Variants in CSMD1 observed in about 807,000 individuals in gnomAD.
CSMD1 encodes the protein CUB and Sushi multiple domains 1, also known as CUB and sushi domain-containing protein 1.
In CSMD1, 213 loss-of-function variants were observed where a neutral mutation model predicts 417.5. That is an observed-to-expected ratio of 0.51 (90% CI 0.46 to 0.57). The LOEUF (loss-of-function observed/expected upper bound fraction) is 0.57. CSMD1 is among the 20% of genes least tolerant of loss of function. The pLI, the probability that CSMD1 is intolerant of heterozygous loss-of-function variation, is 0.00. For synonymous variants in CSMD1, 2,862 were observed against 1,736.8 expected (o/e 1.65, Z -16.11); for missense variants, 6,923 against 4,529.7 (o/e 1.53, Z -15.17).
At chr8:4,064,306 C>T (rs575654154) in intron 3 of CSMD1, among the ~76,000 whole-genome samples, 2 of 152,310 alleles carry the variant, frequency 1.3e-5, no homozygotes, top group South Asian at 4.1e-4. Flanking sequence ...TGCAATGTTC[C>T]TGGGCTCCAT....
In CSMD1 at chr8:3,422,441, T is replaced by A. The variant is rs566453749; in HGVS notation, c.1562-12836A>T. On this transcript the variant is annotated intron_variant, in intron 12 of 69. Transcript: ENST00000635120. Reference sequence around the variant, plus strand: ...TTTCCCAAAATGCCTATTGAAAGAATCTTTCAAAAATATCATGTGCATTTC... The same window carrying A: ...TTTCCCAAAATGCCTATTGAAAGAAACTTTCAAAAATATCATGTGCATTTC... Among the ~76,000 whole-genome samples the A allele has an allele frequency of 4.6e-5, 7 of 152,296 alleles. No homozygotes were observed. The South Asian group carries it at 1.4e-3, about 32-fold the overall frequency.
In CSMD1 at chr8:3,149,860, T is replaced by C. The variant is rs80305952; in HGVS notation, c.6031+1537A>G. Among the ~76,000 whole-genome samples, 6 of 152,324 alleles carry C rather than the reference T, an allele frequency of 3.9e-5. No homozygotes were observed. In the East Asian group the frequency reaches 7.7e-4, roughly 20 times the overall value. On this transcript the variant is annotated intron_variant, in intron 40 of 69. Transcript: ENST00000635120. The stretch of plus-strand genomic sequence containing the variant: ...AAAAAAACCACACCTCCTTCAGGGA[T>C]AGCTGCAGTTTGCCTCAGATTTCTC...
chr8:3,755,323 C>G (rs1797596364), intron 5 of CSMD1, among the ~76,000 whole-genome samples: 1 of 152,150 alleles, frequency 6.6e-6, no homozygotes, highest in Admixed American at 6.5e-5. Flanking sequence ...ATACCTGTAT[C>G]AAGGGTCGAA....
At chr8:3,971,994 C>T (rs888706125) in intron 5 of CSMD1, among the ~76,000 whole-genome samples, 4 of 151,896 alleles carry the variant, frequency 2.6e-5, no homozygotes, top group African/African-American at 9.7e-5. Flanking sequence ...GCAGCCTTGA[C>T]CTCCCAGGCT....
intron 2 of CSMD1, among the ~76,000 whole-genome samples, chr8:4,478,093 C>A (rs923302905): frequency 1.3e-5 from 2 of 152,108 alleles, no homozygotes; most frequent in African/African-American, 2.4e-5. Flanking sequence ...TTTTATGGGG[C>A]CATAAGACCT....
At chr8:4,650,817 G>A (rs1367206205) in intron 1 of CSMD1, among the ~76,000 whole-genome samples, 1 of 152,100 alleles carries the variant, frequency 6.6e-6, no homozygotes, top group African/African-American at 2.4e-5. Flanking sequence ...CCCAAGTTTT[G>A]CTTCCAAGGT....
intron 5 of CSMD1, among the ~76,000 whole-genome samples, chr8:3,948,917 T>C (rs1381010851): frequency 6.6e-6 from 1 of 152,026 alleles, no homozygotes; most frequent in Non-Finnish European, 1.5e-5. Flanking sequence ...CACTGACTGG[T>C]ACAAAAAGCA....
chr8:4,394,012 T>C (rs1003769237), intron 3 of CSMD1, among the ~76,000 whole-genome samples: 1 of 152,224 alleles, frequency 6.6e-6, no homozygotes, highest in African/African-American at 2.4e-5. Context: ...ATATATAGCA[T>C]GGCTGCCTTC....
At chr8:3,488,313 G>A (rs753797562) in intron 11 of CSMD1, among the ~76,000 whole-genome samples, 11 of 151,890 alleles carry the variant, frequency 7.2e-5, no homozygotes, top group Non-Finnish European at 1.5e-4. Context: ...TCATCCTGTT[G>A]CCCAGGTTGG....
intron 1 of CSMD1, among the ~76,000 whole-genome samples, chr8:4,685,837 A>T (rs573053106): frequency 1.3e-5 from 2 of 152,194 alleles, no homozygotes; most frequent in African/African-American, 2.4e-5. Context: ...GCCATGACTC[A>T]TATTTATAGG....
Position 4,135,657 on chromosome 8 carries a change from G to T in CSMD1, c.416-103558C>A, listed in dbSNP as rs192617127. The stretch of plus-strand genomic sequence containing the variant: ...GATGTTTGGGATAATATATGAAGAA[G>T]AAACCAAAATATTTGGATATTTTGC... On this transcript the variant is annotated intron_variant, in intron 3 of 69. Coordinates refer to ENST00000635120, the MANE Select transcript of CSMD1 (RefSeq NM_033225.6). 2.8e-3 allele frequency among the ~76,000 whole-genome samples: 429 copies of T among 152,096 alleles called. 1 individual carries two copies. Among genetic ancestry groups the T allele is most frequent in the African/African-American group, 9.8e-3 (407 of 41,478 alleles).
intron 5 of CSMD1, among the ~76,000 whole-genome samples, chr8:3,996,115 CTAAG>C (rs1022936189): frequency 5.3e-5 from 8 of 152,174 alleles, no homozygotes; most frequent in African/African-American, 1.7e-4. Context: ...CTGACACAAA[CTAAG>C]TTTCTTTGGC....
In CSMD1 at chr8:4,533,530, G is replaced by C. The variant is rs114376831; in HGVS notation, c.302+103812C>G. 7.3e-3 allele frequency among the ~76,000 whole-genome samples: 1,112 copies of C among 152,110 alleles called. 19 individuals are homozygous for C. Among genetic ancestry groups the C allele is most frequent in the African/African-American group, 0.026 (1,064 of 41,474 alleles). On this transcript the variant is annotated intron_variant, in intron 2 of 69. Coordinates refer to ENST00000635120, the MANE Select transcript of CSMD1 (RefSeq NM_033225.6). ...TTGAAGAACATAGTACAGACCTTTT[G>C]GGAACACAATATTCTTGGGAATTTT...
Position 3,142,481 on chromosome 8 carries a change from A to G in CSMD1, c.6225T>C (p.Phe2075=). The G allele has an allele frequency of 6.2e-7, 1 of 1,613,610 alleles. No homozygotes were observed. The highest frequency in any genetic ancestry group is 8.5e-7 in the Non-Finnish European group (1 of 1,179,622). The change falls in exon 41 of 70, where the codon TTT becomes TTC. Residue 2075 remains phenylalanine (F), a synonymous_variant. Transcript: ENST00000635120. ...YSDHSQNRQG[F]KLAYQAYELQ... ...GTTCCATACCTTGGTAAGCAAGTTTAAATCCTTGCCGGTTTTGCGAATGGT... is the reference window on the plus strand; with the variant it reads ...GTTCCATACCTTGGTAAGCAAGTTTGAATCCTTGCCGGTTTTGCGAATGGT...
chr8:3,833,381 T>C (rs868808795), intron 5 of CSMD1, among the ~76,000 whole-genome samples: 3 of 152,254 alleles, frequency 2.0e-5, no homozygotes, highest in South Asian at 4.1e-4. Context: ...CCTCCTAAAA[T>C]AATTTACTGC....
At chr8:3,478,890 G>T (rs749682306) in intron 11 of CSMD1, among the ~76,000 whole-genome samples, 22 of 152,140 alleles carry the variant, frequency 1.4e-4, no homozygotes, top group Non-Finnish European at 2.5e-4. Context: ...CGTCCCAGTA[G>T]GTGTGAGACT....
intron 8 of CSMD1, among the ~76,000 whole-genome samples, chr8:3,593,769 T>C (rs1800964906): frequency 6.6e-6 from 1 of 152,166 alleles, no homozygotes; most frequent in Admixed American, 6.5e-5. Context: ...ACTTTGCAAA[T>C]AACACTGCTA....
chr8:3,921,922 G>C (rs1349089488), intron 5 of CSMD1, among the ~76,000 whole-genome samples: 3 of 152,128 alleles, frequency 2.0e-5, no homozygotes, highest in Admixed American at 6.6e-5. Flanking sequence ...TGTTGGCCAA[G>C]TACATTGCTT....
chr8:4,832,859 G>C (rs563193376), intron 1 of CSMD1, among the ~76,000 whole-genome samples: 1 of 152,094 alleles, frequency 6.6e-6, no homozygotes, highest in African/African-American at 2.4e-5. Flanking sequence ...ATGTGTGTGA[G>C]GGCGTATGAG....
Sources: allele counts gnomAD v4.1 joint callset (sites outside exome capture counted in the v4.1 genomes callset), GRCh38; gene constraint gnomAD v4.1.1; transcripts MANE v1.5; gene names NCBI Gene and HGNC (gene_info 2026-07-23, HGNC 2026-07-21).